Variants in METAP1D observed in about 807,000 individuals in gnomAD.
The protein encoded by METAP1D is methionyl aminopeptidase type 1D, mitochondrial, also known as methionine aminopeptidase 1D, mitochondrial.
In METAP1D, 31 loss-of-function variants were observed where a neutral mutation model predicts 40.5. That is an observed-to-expected ratio of 0.77 (90% CI 0.58 to 1.03). The LOEUF (loss-of-function observed/expected upper bound fraction) is 1.03. METAP1D is among the 50% of genes least tolerant of loss of function. The pLI is 0.00. For missense variants in METAP1D, 411 were observed against 420.7 expected (o/e 0.98, Z 0.20); for synonymous variants, 151 against 146.4 (o/e 1.03, Z -0.22).
chr2:172,052,917 T>C (rs1053112521), intron 1 of METAP1D, among the ~76,000 whole-genome samples: 7 of 152,190 alleles, frequency 4.6e-5, no homozygotes, highest in Non-Finnish European at 1.0e-4. Context: ...TAGTAGTGCA[T>C]GTGGTTTTTT....
intron 7 of METAP1D, 58 bp from the exon 8 acceptor site, chr2:172,079,153 CTGTT>C (rs1559023964): frequency 6.5e-7 from 1 of 1,534,092 alleles, no homozygotes; most frequent in African/African-American, 1.4e-5. Context: ...CCCCTGTAAT[CTGTT>C]TTTTTTTTCT....
intron 7 of METAP1D, 32 bp downstream of exon 7, chr2:172,077,926 AT>A: frequency 7.9e-7 from 1 of 1,259,080 alleles, no homozygotes; most frequent in South Asian, 1.2e-5. Flanking sequence ...CTGTTTCTTG[AT>A]CAGAGATCAA....
At chr2:172,074,250 A>G (rs1326194289) in intron 6 of METAP1D, among the ~76,000 whole-genome samples, 1 of 152,204 alleles carries the variant, frequency 6.6e-6, no homozygotes, top group African/African-American at 2.4e-5. Flanking sequence ...AAATGTCATG[A>G]TGAAAGTATC....
At chr2:172,041,568 C>A (rs1047435991) in intron 1 of METAP1D, among the ~76,000 whole-genome samples, 1 of 126,042 alleles carries the variant, frequency 7.9e-6, no homozygotes, top group African/African-American at 2.6e-5. Flanking sequence ...TCATGTAGAT[C>A]TATATTGTTT....
intron 7 of METAP1D, 146 bp downstream of exon 7, chr2:172,078,040 G>C: frequency 3.6e-4 from 113 of 314,444 alleles, no homozygotes; most frequent in East Asian, 1.0e-3. Flanking sequence ...GGGGAGGGGG[G>C]TCTGCTTAAT....
intron 1 of METAP1D, among the ~76,000 whole-genome samples, chr2:172,006,600 A>G (rs1340062164): frequency 1.3e-5 from 2 of 152,248 alleles, no homozygotes; most frequent in East Asian, 3.8e-4. Flanking sequence ...TACTATGTGT[A>G]TGCAGAACTT....
chr2:172,007,526 G>A (rs1028690345), intron 1 of METAP1D, among the ~76,000 whole-genome samples: 4 of 152,094 alleles, frequency 2.6e-5, no homozygotes, highest in South Asian at 4.1e-4. Context: ...CTAGGGGGTG[G>A]CTGAGGCCAG....
At chr2:172,022,120 A>G (rs923516237) in intron 1 of METAP1D, among the ~76,000 whole-genome samples, 2 of 152,172 alleles carry the variant, frequency 1.3e-5, no homozygotes, top group Non-Finnish European at 2.9e-5. Flanking sequence ...AGACATGCAG[A>G]CTACCTGGAT....
chr2:172,071,126 GGT>G lies in METAP1D; in HGVS notation c.704+58_704+59del, dbSNP rs376219233. The G allele has an allele frequency of 3.2e-4, 458 of 1,434,288 alleles. 1 individual carries two copies. The African/African-American group carries it at 5.8e-3, about 18-fold the overall frequency. 88.8% of individuals were successfully genotyped at this position (1,434,288 alleles called of 1,614,324 possible). A position where few individuals can be genotyped will look rare whatever the true frequency, so the allele number is the denominator to read the frequency against. On this transcript the variant is annotated intron_variant, in intron 6 of 9. Coordinates refer to ENST00000315796, the MANE Select transcript of METAP1D (RefSeq NM_199227.3). ...GTTGGCAAATGGTACAAAGGTTATT[GGT>G]GGCTTGGTATAAAGTTGATGACATG...
In METAP1D at chr2:172,055,799, G is replaced by A. The variant is rs560045845; in HGVS notation, c.41-5699G>A. ...TATGAAAGTGAAATTGCTGAATACA[G>A]TGTAGAACCATAATTGTCAACAGAT... On this transcript the variant is annotated intron_variant, in intron 1 of 9. Coordinates refer to ENST00000315796, the MANE Select transcript of METAP1D (RefSeq NM_199227.3). Among the ~76,000 whole-genome samples, 6 of 152,330 alleles carry A rather than the reference G, an allele frequency of 3.9e-5. No individual in the cohort carries two copies. In the East Asian group the frequency reaches 9.6e-4, roughly 24 times the overall value.
intron 1 of METAP1D, among the ~76,000 whole-genome samples, chr2:172,033,833 T>C (rs1188324570): frequency 1.3e-5 from 2 of 149,058 alleles, no homozygotes; most frequent in African/African-American, 2.5e-5. Context: ...CTCCAGCACT[T>C]TGGGAGGCCG....
chr2:172,073,904 A>G (rs1353389857), intron 6 of METAP1D, among the ~76,000 whole-genome samples: 1 of 152,262 alleles, frequency 6.6e-6, no homozygotes, highest in Non-Finnish European at 1.5e-5. Context: ...TTGTATTAGT[A>G]TCATGTTATC....
rs377629727 is a variant in METAP1D, at chr2:172,034,405, T to TTGTGTGTG, written c.41-27073_41-27066dup. ...CATTAGCCTCCATAAGTCTCAGTTT[T>TTGTGTGTG]TGTGTGTGTGTGTGTGTGTGTGTGT... On this transcript the variant is annotated intron_variant, in intron 1 of 9. Coordinates refer to ENST00000315796, the MANE Select transcript of METAP1D (RefSeq NM_199227.3). Among the ~76,000 whole-genome samples the TTGTGTGTG allele has an allele frequency of 2.1e-5, 3 of 142,150 alleles. No homozygotes were observed. The Admixed American group carries it at 2.2e-4, about 10-fold the overall frequency. 93.3% of individuals were successfully genotyped at this position (142,150 alleles called of 152,430 possible).
chr2:172,009,109 C>G (rs1688653587), intron 1 of METAP1D, among the ~76,000 whole-genome samples: 1 of 151,722 alleles, frequency 6.6e-6, no homozygotes, highest in Non-Finnish European at 1.5e-5. Flanking sequence ...GGCGCGATCT[C>G]TGCTCACTGC....
At chr2:172,069,938 CA>C (rs1690383741) in intron 5 of METAP1D, among the ~76,000 whole-genome samples, 1 of 152,130 alleles carries the variant, frequency 6.6e-6, no homozygotes, top group African/African-American at 2.4e-5. Context: ...AATTCAGTAT[CA>C]CAACAGACTG....
chr2:172,061,833 T>TAA, intron 2 of METAP1D, 178 bp downstream of exon 2: 1 of 446,170 alleles, frequency 2.2e-6, no homozygotes, highest in Non-Finnish European at 3.9e-6. Flanking sequence ...TCTATAGCAT[T>TAA]AATTTTTTAA....
chr2:172,070,901 G>A lies in METAP1D; in HGVS notation c.541-6G>A. ...GACATATTTTTAAATTTCTGCTTAT[G>A]TTTAGGTCTATTACAATGGCTACCA... On this transcript the variant is annotated splice_polypyrimidine_tract_variant and splice_region_variant and intron_variant, in intron 5 of 9. Coordinates refer to ENST00000315796, the MANE Select transcript of METAP1D (RefSeq NM_199227.3). 4 of 1,597,416 alleles carry A rather than the reference G, an allele frequency of 2.5e-6. No homozygotes were observed. The highest frequency in any genetic ancestry group is 3.4e-6 in the Non-Finnish European group (4 of 1,172,076).
chr2:172,078,252 C>G (rs911612223), intron 7 of METAP1D, among the ~76,000 whole-genome samples: 1 of 152,216 alleles, frequency 6.6e-6, no homozygotes, highest in Admixed American at 6.5e-5. Context: ...TTCTGTTTTT[C>G]TTTTTCTACC....
intron 1 of METAP1D, among the ~76,000 whole-genome samples, chr2:172,004,005 A>C (rs1464393099): frequency 1.3e-5 from 2 of 152,152 alleles, no homozygotes; most frequent in Non-Finnish European, 2.9e-5. Flanking sequence ...TCTGACTTCA[A>C]GTGATCCGCC....
Sources: allele counts gnomAD v4.1 joint callset (sites outside exome capture counted in the v4.1 genomes callset), GRCh38; gene constraint gnomAD v4.1.1; transcripts MANE v1.5; gene names NCBI Gene and HGNC (gene_info 2026-07-23, HGNC 2026-07-21).